PZP: variants seen among roughly 807,000 people sequenced by gnomAD.
PZP encodes the protein pregnancy zone protein.
In PZP, 150 loss-of-function variants were observed where a neutral mutation model predicts 179.8. The observed-to-expected ratio is 0.83, with a 90% CI of 0.73 to 0.96. The LOEUF is 0.96. PZP is among the 40% of genes least tolerant of loss of function. The pLI is 0.00. For missense variants in PZP, 1,689 were observed against 1,764.0 expected (o/e 0.96, Z 0.76); for synonymous variants, 624 against 652.3 (o/e 0.96, Z 0.66).
chr12:9,156,282 C>A, intron 28 of PZP: 2 of 212,884 alleles, frequency 9.4e-6, no homozygotes, highest in Non-Finnish European at 1.0e-5. Context: ...TCAGTGAAGG[C>A]ATCTCCACCA....
intron 7 of PZP, 62 bp downstream of exon 7, chr12:9,200,302 C>T: frequency 8.8e-7 from 1 of 1,140,868 alleles, no homozygotes. Context: ...AATTTTGTAC[C>T]TACATAATCC....
rs1360684367 is a variant in PZP, at chr12:9,166,096, T to A, written c.2214A>T (p.Arg738=). ...AGATCCAAGTCTCAGGAAAATAGCT[T>A]CGCACCGTTTCAGGGACTGGCCCTG... is the stretch of plus-strand genomic sequence containing the variant. The part of the protein sequence containing the change: ...QSSGPVPETV[R]SYFPETWIWE... The change falls in exon 18 of 36, where the codon CGA becomes CGT. Residue 738 remains arginine, a synonymous_variant. Coordinates refer to ENST00000261336, the MANE Select transcript of PZP (RefSeq NM_002864.3). 6.2e-7 allele frequency: 1 copy of A among 1,612,728 alleles called. No homozygotes were observed. The highest frequency in any genetic ancestry group is 8.5e-7 in the Non-Finnish European group (1 of 1,179,810).
intron 28 of PZP, among the ~76,000 whole-genome samples, chr12:9,155,110 A>G (rs1940649387): frequency 6.6e-6 from 1 of 152,190 alleles, no homozygotes; most frequent in Non-Finnish European, 1.5e-5. Flanking sequence ...GGACTGATGA[A>G]AGAGAAAAGT....
At chr12:9,185,426 G>T (rs185765424) in intron 13 of PZP, among the ~76,000 whole-genome samples, 7 of 152,278 alleles carry the variant, frequency 4.6e-5, no homozygotes, top group Admixed American at 4.6e-4. Flanking sequence ...AGAAATCTGG[G>T]ATTATTTATG....
At chr12:9,150,188 T>C (rs1940246827) in intron 34 of PZP, among the ~76,000 whole-genome samples, 1 of 152,276 alleles carries the variant, frequency 6.6e-6, no homozygotes, top group Non-Finnish European at 1.5e-5. Context: ...TTGAAAGCAG[T>C]GACTATATAT....
intron 9 of PZP, 49 bp downstream of exon 9, chr12:9,196,522 T>C (rs760967863): frequency 1.8e-5 from 29 of 1,572,178 alleles, no homozygotes; most frequent in Non-Finnish European, 2.1e-5. Context: ...TATTTTGTTA[T>C]GGAAAGTAAA....
intron 13 of PZP, among the ~76,000 whole-genome samples, chr12:9,187,399 G>A (rs777399811): frequency 2.6e-5 from 4 of 152,018 alleles, no homozygotes; most frequent in South Asian, 2.1e-4. Context: ...AACTGCACAC[G>A]GCACTACTCT....
intron 1 of PZP, among the ~76,000 whole-genome samples, chr12:9,206,351 GA>G (rs1380744421): frequency 6.6e-6 from 1 of 151,762 alleles, no homozygotes; most frequent in Non-Finnish European, 1.5e-5. Flanking sequence ...ATATTCTAAA[GA>G]ACTATTTTAT....
chr12:9,156,702 A>G (rs894786023), intron 28 of PZP, among the ~76,000 whole-genome samples: 4 of 152,314 alleles, frequency 2.6e-5, no homozygotes, highest in South Asian at 4.1e-4. Flanking sequence ...AACATATGCA[A>G]TCCCAGAGAA....
chr12:9,144,354 T>G (rs1194923620), downstream of PZP, among the ~76,000 whole-genome samples: 1 of 152,126 alleles, frequency 6.6e-6, no homozygotes, highest in Non-Finnish European at 1.5e-5. Context: ...TTCAGGTTAG[T>G]TGTCCTGCTC....
the PZP span, among the ~76,000 whole-genome samples, chr12:9,138,078 G>A: frequency 6.6e-6 from 1 of 151,990 alleles, no homozygotes; most frequent in East Asian, 1.9e-4. Flanking sequence ...GCAAGAGTGG[G>A]CATCATTGCC....
At chr12:9,191,871 T>C (rs955326537) in intron 13 of PZP, among the ~76,000 whole-genome samples, 9 of 152,180 alleles carry the variant, frequency 5.9e-5, no homozygotes, top group African/African-American at 2.2e-4. Context: ...GTTAATTTAA[T>C]CAATGTACAC....
intron 32 of PZP, 89 bp from the exon 33 acceptor site, chr12:9,151,761 T>C: frequency 2.9e-6 from 3 of 1,022,024 alleles, no homozygotes; most frequent in Non-Finnish European, 3.0e-6. Flanking sequence ...AAGGGACAAA[T>C]GGTCATTCTC....
intron 26 of PZP, 51 bp from the exon 27 acceptor site, chr12:9,157,892 T>C: frequency 6.9e-7 from 1 of 1,446,874 alleles, no homozygotes; most frequent in East Asian, 2.3e-5. Context: ...TGTTAGTATA[T>C]TCTCTTCTGT....
intron 10 of PZP, among the ~76,000 whole-genome samples, chr12:9,195,022 A>G (rs886293323): frequency 2.0e-5 from 3 of 152,158 alleles, no homozygotes; most frequent in Non-Finnish European, 4.4e-5. Flanking sequence ...TTAAAAATAC[A>G]TTAGAGGAGT....
chr12:9,193,365 C>T (rs1478528961), intron 11 of PZP, among the ~76,000 whole-genome samples: 1 of 152,054 alleles, frequency 6.6e-6, no homozygotes, highest in Non-Finnish European at 1.5e-5. Flanking sequence ...TATTTGGTCT[C>T]ATAATAAAGT....
At chr12:9,161,502 T>G (rs1034174478) in intron 22 of PZP, among the ~76,000 whole-genome samples, 2 of 152,196 alleles carry the variant, frequency 1.3e-5, no homozygotes, top group Non-Finnish European at 2.9e-5. Context: ...CTCTTCTCAT[T>G]TAACTATATT....
downstream of PZP, among the ~76,000 whole-genome samples, chr12:9,144,374 A>C (rs1391776431): frequency 2.0e-5 from 3 of 151,984 alleles, no homozygotes; most frequent in African/African-American, 7.3e-5. Context: ...CATGTAAATC[A>C]CTTGAAAAGT....
intron 19 of PZP, 118 bp downstream of exon 19, chr12:9,165,021 C>A (rs1452500814): frequency 4.1e-5 from 50 of 1,212,152 alleles, no homozygotes; most frequent in Non-Finnish European, 3.8e-5. Flanking sequence ...TAATTATTCA[C>A]AGTGCTAACA....
Sources: allele counts gnomAD v4.1 joint callset (sites outside exome capture counted in the v4.1 genomes callset), GRCh38; gene constraint gnomAD v4.1.1; transcripts MANE v1.5; gene names NCBI Gene and HGNC (gene_info 2026-07-23, HGNC 2026-07-21).